The following DYNC2I1 variants were observed in gnomAD, a reference collection of about 807,000 sequenced individuals.
DYNC2I1 encodes the protein dynein 2 intermediate chain 1, also known as cytoplasmic dynein 2 intermediate chain 1.
In DYNC2I1, 89 loss-of-function variants were observed where a neutral mutation model predicts 133.4. The ratio of observed to expected loss-of-function variants is 0.67; its 90% CI spans 0.56 to 0.80. The LOEUF (loss-of-function observed/expected upper bound fraction) is 0.80, where lower values mean the gene tolerates loss of function less well. DYNC2I1 is among the 30% of genes least tolerant of loss of function. The probability of loss-of-function intolerance (pLI) is 0.00; values close to 1 mark genes in which losing one functional copy is unlikely to be tolerated. For missense variants in DYNC2I1, 1,291 were observed against 1,314.5 expected (o/e 0.98, Z 0.28); for synonymous variants, 504 against 484.3 (o/e 1.04, Z -0.54).
At chr7:158,928,310 C>T (rs190003062) in intron 20 of DYNC2I1, among the ~76,000 whole-genome samples, 2 of 151,526 alleles carry the variant, frequency 1.3e-5, no homozygotes, top group East Asian at 4.3e-4. Context: ...CCTCCCACAA[C>T]CCAGTTTGTA....
chr7:158,920,047 A>G (rs13228564), intron 15 of DYNC2I1, among the ~76,000 whole-genome samples: 22,344 of 120,278 alleles, frequency 0.19, 1,752 homozygotes, highest in Non-Finnish European at 0.2. Context: ...GTGGCCTCCA[A>G]CGGGGAACAC....
At chr7:158,839,553 T>C in the DYNC2I1 span, among the ~76,000 whole-genome samples, 1 of 152,072 alleles carries the variant, frequency 6.6e-6, no homozygotes, top group Non-Finnish European at 1.5e-5. Flanking sequence ...GGCACGGTGG[T>C]TCACGCCTGT....
At chr7:158,863,210 T>C (rs1304490115) in intron 1 of DYNC2I1, among the ~76,000 whole-genome samples, 4 of 152,014 alleles carry the variant, frequency 2.6e-5, no homozygotes. Context: ...CACAGAGTGC[T>C]GATTAGTGCA....
intron 8 of DYNC2I1, among the ~76,000 whole-genome samples, chr7:158,898,653 A>G (rs963101064): frequency 2.0e-5 from 3 of 152,300 alleles, no homozygotes; most frequent in East Asian, 1.9e-4. Context: ...CTCTCTGACA[A>G]TCTCTGTCTT....
intron 8 of DYNC2I1, among the ~76,000 whole-genome samples, chr7:158,892,074 T>G (rs917742659): frequency 6.6e-6 from 1 of 152,184 alleles, no homozygotes; most frequent in Non-Finnish European, 1.5e-5. Context: ...GTTCTAGCTC[T>G]GCACAGAAGT....
At chr7:158,894,170 ATGTCACACTACG>A (rs1428015353) in intron 8 of DYNC2I1, among the ~76,000 whole-genome samples, 1 of 152,148 alleles carries the variant, frequency 6.6e-6, no homozygotes, top group African/African-American at 2.4e-5. Context: ...ATCATAATGC[ATGTCACACTACG>A]TATCATACTA....
downstream of DYNC2I1, among the ~76,000 whole-genome samples, chr7:158,957,153 T>C (rs539099628): frequency 6.6e-6 from 1 of 152,370 alleles, no homozygotes; most frequent in Admixed American, 6.5e-5. Context: ...CTTCTCTAAA[T>C]CTAAGAAATC....
At chr7:158,841,221 A>ATATATTTTTTTTT in the DYNC2I1 span, among the ~76,000 whole-genome samples, 1 of 85,380 alleles carries the variant, frequency 1.2e-5, no homozygotes, top group African/African-American at 4.6e-5. Context: ...ATATATATAT[A>ATATATTTTTTTTT]TTTTAGACAG....
intron 1 of DYNC2I1, 126 bp downstream of exon 1, chr7:158,856,876 G>T: frequency 8.9e-7 from 1 of 1,121,044 alleles, no homozygotes; most frequent in South Asian, 4.6e-5. Context: ...GGGGCTTCCC[G>T]GAGGAGCCGC....
intron 17 of DYNC2I1, 147 bp downstream of exon 17, chr7:158,923,880 A>G: frequency 9.8e-7 from 1 of 1,019,770 alleles, no homozygotes; most frequent in Admixed American, 3.1e-5. Context: ...CATTTGATAA[A>G]TACAAAAAAC....
chr7:158,877,981 A>G (rs568189192), intron 4 of DYNC2I1, among the ~76,000 whole-genome samples: 2 of 152,304 alleles, frequency 1.3e-5, no homozygotes, highest in Admixed American at 1.3e-4. Flanking sequence ...ATGAGGGATG[A>G]GGCTGTGGAG....
At chr7:158,914,076 C>T (rs1847765522) in intron 13 of DYNC2I1, among the ~76,000 whole-genome samples, 157 bp from the exon 14 acceptor site, 1 of 152,188 alleles carries the variant, frequency 6.6e-6, no homozygotes, top group South Asian at 2.1e-4. Flanking sequence ...GGGGAGTTAA[C>T]AGTAGTAAAT....
intron 8 of DYNC2I1, among the ~76,000 whole-genome samples, chr7:158,894,833 C>T (rs1214014614): frequency 6.6e-6 from 1 of 151,942 alleles, no homozygotes; most frequent in Non-Finnish European, 1.5e-5. Context: ...TCCTGTGCCT[C>T]CACATCCTCA....
intron 1 of DYNC2I1, among the ~76,000 whole-genome samples, chr7:158,866,381 C>T (rs997836757): frequency 6.6e-6 from 1 of 151,480 alleles, no homozygotes; most frequent in Non-Finnish European, 1.5e-5. Flanking sequence ...CTGGGTGTCC[C>T]CTCTCTGTGG....
At position 158,945,614 on chromosome 7, in the gene DYNC2I1, G is replaced by C; in HGVS notation, c.3036G>C (p.Glu1012Asp). ...CCATGGCTGCGGTGGGTGAGCCTGA[G>C]AAGGCTGGTGGCAGCTTCCTGGCCC... Reference protein sequence around the residue: ...LVAMAAVGEPEKAGGSFLALV... With the variant: ...LVAMAAVGEPDKAGGSFLALV... Residue 1012 changes from glutamate (E) to aspartate (D), a missense_variant, in exon 25 of 25, where the codon GAG becomes GAC. Physicochemically the swap from Glu to Asp is conservative, Grantham distance 45. Transcript: ENST00000407559. This position sits in a 1 kb window ranked among gnomAD's most constrained non-coding sequence, Gnocchi z 4.1. 6.2e-7 allele frequency: 1 copy of C among 1,609,740 alleles called. No homozygotes were observed. Among genetic ancestry groups the C allele is most frequent in the South Asian group, 1.1e-5 (1 of 90,112 alleles).
chr7:158,907,213 G>A (rs1846915119), intron 11 of DYNC2I1, among the ~76,000 whole-genome samples: 1 of 148,732 alleles, frequency 6.7e-6, no homozygotes, highest in South Asian at 2.1e-4. Context: ...CAGTTTTGCT[G>A]CCTTTATATT....
chr7:158,843,905 G>GA, the DYNC2I1 span, among the ~76,000 whole-genome samples: 1 of 152,024 alleles, frequency 6.6e-6, no homozygotes, highest in Non-Finnish European at 1.5e-5. Flanking sequence ...AGGAGGGGAA[G>GA]AAAAAAGGAA....
chr7:158,863,465 CTT>C (rs892854342), intron 1 of DYNC2I1, among the ~76,000 whole-genome samples: 2 of 151,918 alleles, frequency 1.3e-5, no homozygotes, highest in African/African-American at 2.4e-5. Context: ...GAATGAGACT[CTT>C]TAAATAATAA....
chr7:158,878,744 T>G (rs1367364545), intron 4 of DYNC2I1, among the ~76,000 whole-genome samples: 1 of 116,704 alleles, frequency 8.6e-6, no homozygotes, highest in Non-Finnish European at 1.8e-5. Context: ...GAGTGCCGGG[T>G]GCCATGTGGG....
Sources: gnomAD v4.1 joint callset for allele counts (sites outside exome capture counted in the v4.1 genomes callset) on GRCh38, gnomAD v4.1.1 for gene constraint, Gnocchi (gnomAD v3.1) non-coding constraint, MANE v1.5 for transcripts, NCBI Gene and HGNC (gene_info 2026-07-23, HGNC 2026-07-21) for gene names.